The following ARHGEF3 variants were observed in gnomAD, a reference collection of about 807,000 sequenced individuals.
ARHGEF3 encodes 59.8 kDA protein.
ARHGEF3 carries 28 observed loss-of-function variants against 63.2 expected under a neutral mutation model. That is an observed-to-expected ratio of 0.44 (90% CI 0.33 to 0.61). The LOEUF (loss-of-function observed/expected upper bound fraction) is 0.61. ARHGEF3 is among the 20% of genes least tolerant of loss of function. The pLI is 0.03. For missense variants in ARHGEF3, 533 were observed against 659.3 expected, an observed-to-expected ratio of 0.81 and a Z score of 2.10; for synonymous variants, 266 against 254.2, an observed-to-expected ratio of 1.05 and a Z score of -0.44.
intron 4 of ARHGEF3, among the ~76,000 whole-genome samples, chr3:56,808,831 T>C (rs1377513194): frequency 6.6e-6 from 1 of 152,162 alleles, no homozygotes; most frequent in African/African-American, 2.4e-5. Flanking sequence ...CAGGGTGCCA[T>C]TGGCATCTAA....
intron 2 of ARHGEF3, among the ~76,000 whole-genome samples, chr3:56,757,848 A>C (rs1290802155): frequency 1.3e-5 from 2 of 151,310 alleles, no homozygotes; most frequent in Admixed American, 6.6e-5. Context: ...TCAGCCTCCC[A>C]AGTAGCTGGG....
At chr3:56,835,252 T>G (rs2039070646) in intron 4 of ARHGEF3, among the ~76,000 whole-genome samples, 1 of 151,780 alleles carries the variant, frequency 6.6e-6, no homozygotes, top group African/African-American at 2.4e-5. Context: ...CTCGGCTCAC[T>G]GCAACCTCTG....
upstream of ARHGEF3, among the ~76,000 whole-genome samples, chr3:56,806,699 C>A (rs903104043): frequency 6.6e-6 from 1 of 152,220 alleles, no homozygotes; most frequent in African/African-American, 2.4e-5. Flanking sequence ...TCCTTTTAGA[C>A]TTGCAGACAA....
chr3:56,908,176 G>A (rs556007886), intron 3 of ARHGEF3, among the ~76,000 whole-genome samples: 1 of 152,154 alleles, frequency 6.6e-6, no homozygotes, highest in Non-Finnish European at 1.5e-5. Context: ...TTCCCACCTG[G>A]GCAGCCACAG....
At chr3:56,887,595 C>T (rs1419422019) in intron 3 of ARHGEF3, among the ~76,000 whole-genome samples, 1 of 152,192 alleles carries the variant, frequency 6.6e-6, no homozygotes, top group Non-Finnish European at 1.5e-5. Flanking sequence ...TAAAAAACCA[C>T]TGATCAGTTA....
At chr3:57,067,994 A>C (rs1194579726) in intron 1 of ARHGEF3, among the ~76,000 whole-genome samples, 1 of 151,886 alleles carries the variant, frequency 6.6e-6, no homozygotes, top group African/African-American at 2.4e-5. Context: ...CGTCTCAAAA[A>C]AAACAAAAAC....
chr3:56,966,679 G>A (rs952727321), intron 2 of ARHGEF3, among the ~76,000 whole-genome samples: 3 of 151,948 alleles, frequency 2.0e-5, no homozygotes, highest in African/African-American at 7.3e-5. Flanking sequence ...GGAAAAGAGA[G>A]TCAGGGGTTC....
At chr3:56,870,997 T>C (rs2040415826) in intron 4 of ARHGEF3, among the ~76,000 whole-genome samples, 1 of 152,056 alleles carries the variant, frequency 6.6e-6, no homozygotes, top group African/African-American at 2.4e-5. Context: ...TAAAAAGCCA[T>C]CACAAACTAA....
chr3:57,068,916 C>G (rs181043808), intron 1 of ARHGEF3, among the ~76,000 whole-genome samples: 44 of 148,652 alleles, frequency 3.0e-4, no homozygotes, highest in Admixed American at 1.0e-3. Flanking sequence ...GGCAAAAGAT[C>G]TGATTTTTTT....
At chr3:56,911,191 G>A (rs1442288242) in intron 3 of ARHGEF3, among the ~76,000 whole-genome samples, 24 of 152,122 alleles carry the variant, frequency 1.6e-4, no homozygotes, top group Admixed American at 1.6e-3. Flanking sequence ...GGGGTTTATG[G>A]CAGGGGCTGG....
intron 1 of ARHGEF3, among the ~76,000 whole-genome samples, chr3:57,045,506 G>A (rs1037531679): frequency 2.0e-5 from 3 of 152,198 alleles, no homozygotes; most frequent in Non-Finnish European, 4.4e-5. Context: ...GGTTGTCTAT[G>A]TCACATTGTC....
rs376602489 is a variant in ARHGEF3, at chr3:56,731,840, T to C, written c.1228+398A>G. 5.4e-4 allele frequency: 172 copies of C among 319,156 alleles called. 1 individual carries two copies. The highest frequency in any genetic ancestry group is 3.5e-3 in the African/African-American group (168 of 47,472). 19.8% of individuals were successfully genotyped at this position (319,156 alleles called of 1,614,324 possible). A position where few individuals can be genotyped will look rare whatever the true frequency, so the allele number is the denominator to read the frequency against. On this transcript the variant is annotated intron_variant, in intron 9 of 9. Transcript: ENST00000296315. ...CCAGTTGACCATTCTTATGTCTCTTTAGGGACAAGTTTACCAGTTCAGCTG... is the reference window on the plus strand; with the variant it reads ...CCAGTTGACCATTCTTATGTCTCTTCAGGGACAAGTTTACCAGTTCAGCTG...
chr3:56,928,117 T>C (rs1420822764), intron 3 of ARHGEF3, among the ~76,000 whole-genome samples: 16 of 152,082 alleles, frequency 1.1e-4, no homozygotes, highest in Admixed American at 1.0e-3. Flanking sequence ...TTAACCAACA[T>C]GTGTGCTGGA....
chr3:56,741,073 T>C (rs1052620014), intron 7 of ARHGEF3, among the ~76,000 whole-genome samples: 7 of 152,210 alleles, frequency 4.6e-5, no homozygotes, highest in African/African-American at 1.7e-4. Context: ...CCATGTTCTA[T>C]GTATATACAT....
At chr3:57,078,225 G>T (rs569702826) in intron 1 of ARHGEF3, among the ~76,000 whole-genome samples, 3 of 152,316 alleles carry the variant, frequency 2.0e-5, no homozygotes, top group African/African-American at 7.2e-5. Flanking sequence ...ACCTAGCAAA[G>T]CTCCCCTTCT....
At chr3:57,014,126 G>T (rs9854544) in intron 2 of ARHGEF3, among the ~76,000 whole-genome samples, 4,008 of 152,096 alleles carry the variant, frequency 0.026, 176 homozygotes, top group African/African-American at 0.091. Flanking sequence ...GACCCCTTAA[G>T]AGCTGTAACA....
intron 2 of ARHGEF3, among the ~76,000 whole-genome samples, chr3:56,961,567 A>G (rs1181846475): frequency 6.6e-6 from 1 of 152,188 alleles, no homozygotes; most frequent in Non-Finnish European, 1.5e-5. Context: ...ATAGCCAAAG[A>G]AAAAGCATCA....
intron 1 of ARHGEF3, chr3:57,060,351 C>T (rs1181293721): frequency 6.6e-6 from 1 of 151,700 alleles, no homozygotes; most frequent in Admixed American, 6.6e-5. Context: ...GCAGCAAGCA[C>T]TTAAATGGTA....
At chr3:57,073,845 C>T in intron 1 of ARHGEF3, 5 of 1,614,252 alleles carry the variant, frequency 3.1e-6, no homozygotes, top group Non-Finnish European at 3.4e-6. Context: ...CCACTGTGCA[C>T]TGGCATCATG....
Sources: gnomAD v4.1 joint callset for allele counts (sites outside exome capture counted in the v4.1 genomes callset) on GRCh38, gnomAD v4.1.1 for gene constraint, MANE v1.5 for transcripts, NCBI Gene and HGNC (gene_info 2026-07-23, HGNC 2026-07-21) for gene names.